Variants in PEBP4 observed in about 807,000 individuals in gnomAD.
The protein encoded by PEBP4 is phosphatidylethanolamine-binding protein 4.
PEBP4 carries 22 observed loss-of-function variants against 23.9 expected under a neutral mutation model. The ratio of observed to expected loss-of-function variants is 0.92; its 90% CI spans 0.66 to 1.31. The LOEUF (loss-of-function observed/expected upper bound fraction) is 1.31, where lower values mean the gene tolerates loss of function less well. Among genes scored for constraint, PEBP4 ranks in the 40% most tolerant of loss-of-function variants. The pLI, the probability that PEBP4 is intolerant of heterozygous loss-of-function variation, is 0.00. For missense variants in PEBP4, 324 were observed against 281.7 expected (o/e 1.15, Z -1.07); for synonymous variants, 112 against 99.3 (o/e 1.13, Z -0.76).
intron 3 of PEBP4, among the ~76,000 whole-genome samples, chr8:22,864,999 G>T (rs985756539): frequency 6.6e-6 from 1 of 152,210 alleles, no homozygotes; most frequent in Non-Finnish European, 1.5e-5. Context: ...GGCAGCACGA[G>T]GGGGCAGGTG....
intron 4 of PEBP4, among the ~76,000 whole-genome samples, chr8:22,737,705 A>G (rs1409763819): frequency 6.6e-6 from 1 of 152,216 alleles, no homozygotes; most frequent in African/African-American, 2.4e-5. Context: ...CTTCAGTCCA[A>G]TGTCATTACC....
At chr8:22,870,071 C>T (rs1317309588) in intron 3 of PEBP4, among the ~76,000 whole-genome samples, 2 of 152,222 alleles carry the variant, frequency 1.3e-5, no homozygotes, top group Admixed American at 6.5e-5. Flanking sequence ...ACCTAAAGGA[C>T]TTGAAAACTT....
In PEBP4 at chr8:22,751,466, T is replaced by A. The variant is rs115862517; in HGVS notation, c.358-24246A>T. ...CTATCTTGATGAACTAAGGGAGGAA[T>A]CTAGGTGAATGTATCAATGTGGATT... On this transcript the variant is annotated intron_variant, in intron 4 of 6. Coordinates refer to ENST00000256404, the MANE Select transcript of PEBP4 (RefSeq NM_144962.3). Among the ~76,000 whole-genome samples, 845 of 152,232 alleles carry A rather than the reference T, an allele frequency of 5.6e-3. 12 individuals carry two copies. The highest frequency in any genetic ancestry group is 0.02 in the African/African-American group (816 of 41,512).
At chr8:22,817,375 T>C (rs748249472) in intron 4 of PEBP4, among the ~76,000 whole-genome samples, 2 of 152,244 alleles carry the variant, frequency 1.3e-5, no homozygotes, top group Non-Finnish European at 2.9e-5. Context: ...TATTTATTTA[T>C]ACCATAAAAA....
chr8:22,880,545 C>G (rs1808229214), intron 3 of PEBP4: 1 of 141,400 alleles, frequency 7.1e-6, no homozygotes, highest in Non-Finnish European at 1.6e-5. Flanking sequence ...GTTTCTGATG[C>G]TGAGACCCTT....
At position 22,787,909 on chromosome 8, in the gene PEBP4, G is replaced by T. The variant is rs533088802; in HGVS notation, c.357+29728C>A. ...GATCTGGGCAGATGAAGGGGTCGAGGTGAGGGCTGGGGAAGGGAAGGGTTT... is the reference window on the plus strand; with the variant it reads ...GATCTGGGCAGATGAAGGGGTCGAGTTGAGGGCTGGGGAAGGGAAGGGTTT... On this transcript the variant is annotated intron_variant, in intron 4 of 6. Coordinates refer to ENST00000256404, the MANE Select transcript of PEBP4 (RefSeq NM_144962.3). Among the ~76,000 whole-genome samples, 147 of 152,254 alleles carry T rather than the reference G, an allele frequency of 9.7e-4. 3 individuals carry two copies. In the South Asian group the frequency reaches 0.029, roughly 30 times the overall value.
chr8:22,750,091 C>G (rs910960437), intron 4 of PEBP4, among the ~76,000 whole-genome samples: 5 of 151,936 alleles, frequency 3.3e-5, no homozygotes, highest in Non-Finnish European at 7.4e-5. Flanking sequence ...CAGGCGTGAG[C>G]CACCGCACCC....
intron 3 of PEBP4, among the ~76,000 whole-genome samples, chr8:22,871,970 T>C (rs977840037): frequency 1.3e-5 from 2 of 152,200 alleles, no homozygotes; most frequent in Non-Finnish European, 2.9e-5. Context: ...ATTATATCAC[T>C]GTTATGCCTT....
intron 4 of PEBP4, among the ~76,000 whole-genome samples, chr8:22,794,542 C>T (rs1806204491): frequency 6.6e-6 from 1 of 152,230 alleles, no homozygotes; most frequent in South Asian, 2.1e-4. Context: ...GCCTCAGCCT[C>T]CCAAAGTGCT....
intron 3 of PEBP4, among the ~76,000 whole-genome samples, chr8:22,874,030 T>G (rs1010093714): frequency 1.3e-5 from 2 of 152,104 alleles, no homozygotes; most frequent in African/African-American, 4.8e-5. Context: ...AGCAAAAAAT[T>G]CCAGGTCTCG....
chr8:22,883,865 T>C (rs966349634), intron 3 of PEBP4: 3 of 152,142 alleles, frequency 2.0e-5, no homozygotes, highest in African/African-American at 7.2e-5. Context: ...TCAGGTGGCT[T>C]AAATTTTGAT....
At chr8:22,722,925 G>A (rs10110428) in intron 6 of PEBP4, among the ~76,000 whole-genome samples, 48,594 of 150,512 alleles carry the variant, frequency 0.32, 7,980 homozygotes, top group Admixed American at 0.41. Flanking sequence ...GGCGCCCACC[G>A]CCACGCTGGG....
chr8:22,787,890 G>A (rs888927393), intron 4 of PEBP4, among the ~76,000 whole-genome samples: 15 of 152,174 alleles, frequency 9.9e-5, no homozygotes, highest in African/African-American at 3.4e-4. Context: ...AGAAGATCTG[G>A]GCAGATGAAG....
intron 4 of PEBP4, among the ~76,000 whole-genome samples, chr8:22,774,298 A>G (rs549524030): frequency 6.6e-6 from 1 of 152,124 alleles, no homozygotes; most frequent in African/African-American, 2.4e-5. Flanking sequence ...TCATCTCCCC[A>G]TTCACGCTAG....
intron 3 of PEBP4, among the ~76,000 whole-genome samples, chr8:22,862,510 G>A (rs1010795): frequency 0.88 from 130,754 of 148,706 alleles, 57,849 homozygotes; most frequent in East Asian, 0.96. Context: ...TAGATCAGCC[G>A]GGAGAGGAGC....
chr8:22,728,543 C>CCTTT (rs142257916), intron 4 of PEBP4, among the ~76,000 whole-genome samples: 4,777 of 114,800 alleles, frequency 0.042, 188 homozygotes, highest in Non-Finnish European at 0.06. Flanking sequence ...TTTCTTCCTT[C>CCTTT]CTTTCTTTCT....
intron 4 of PEBP4, among the ~76,000 whole-genome samples, chr8:22,807,705 G>A (rs1806527369): frequency 6.6e-6 from 1 of 152,020 alleles, no homozygotes; most frequent in Admixed American, 6.6e-5. Flanking sequence ...TTCCAGGCCT[G>A]CTCATAATTT....
chr8:22,940,997 C>T (rs532521125), intron 1 of PEBP4, among the ~76,000 whole-genome samples: 3 of 152,218 alleles, frequency 2.0e-5, no homozygotes, highest in South Asian at 2.1e-4. Context: ...AGAAAGTTCC[C>T]TCCAGGGTGC....
intron 4 of PEBP4, among the ~76,000 whole-genome samples, chr8:22,810,669 GGT>G (rs60078589): frequency 0.22 from 28,767 of 128,690 alleles, 3,104 homozygotes; most frequent in African/African-American, 0.26. Flanking sequence ...CTCATGGAGG[GGT>G]GTGTGTGTGT....
Sources: gnomAD v4.1 joint callset for allele counts (sites outside exome capture counted in the v4.1 genomes callset) on GRCh38, gnomAD v4.1.1 for gene constraint, MANE v1.5 for transcripts, NCBI Gene and HGNC (gene_info 2026-07-23, HGNC 2026-07-21) for gene names.